The following RFX7 variants were observed in gnomAD, a reference collection of about 807,000 sequenced individuals.
The protein encoded by RFX7 is DNA-binding protein RFX7.
A neutral mutation model predicts 111.8 loss-of-function variants in RFX7; 26 were observed. That is an observed-to-expected ratio of 0.23 (90% confidence interval 0.17 to 0.32). The LOEUF (loss-of-function observed/expected upper bound fraction) is 0.32. Among genes scored for constraint, RFX7 ranks in the 10% least tolerant of loss-of-function variants. The pLI is 1.00. For missense variants in RFX7, 1,573 were observed against 1,772.9 expected, an observed-to-expected ratio of 0.89 and a Z score of 2.02; for synonymous variants, 624 against 624.4, an observed-to-expected ratio of 1.00 and a Z score of 0.01.
intron 4 of RFX7, among the ~76,000 whole-genome samples, chr15:56,143,944 C>G (rs1364363551): frequency 6.6e-6 from 1 of 152,116 alleles, no homozygotes; most frequent in Non-Finnish European, 1.5e-5. Context: ...AGTAATACCC[C>G]AAGCACTTAA....
intron 2 of RFX7, among the ~76,000 whole-genome samples, chr15:56,233,092 T>C (rs985864361): frequency 2.0e-5 from 3 of 152,212 alleles, no homozygotes; most frequent in Non-Finnish European, 4.4e-5. Context: ...ACCAATTTAC[T>C]GTATTAATCT....
At chr15:56,140,150 G>C (rs1275059556) in intron 5 of RFX7, among the ~76,000 whole-genome samples, 1 of 152,190 alleles carries the variant, frequency 6.6e-6, no homozygotes, top group African/African-American at 2.4e-5. Context: ...CCGCCCAGTT[G>C]GAGCTTCCTG....
At chr15:56,220,020 C>G (rs573795013) in intron 2 of RFX7, among the ~76,000 whole-genome samples, 2 of 152,126 alleles carry the variant, frequency 1.3e-5, no homozygotes, top group African/African-American at 4.8e-5. Flanking sequence ...GACAGCCTTA[C>G]CAGCATCTTT....
rs1372382745 is a variant in RFX7 at position 56,109,992 on chromosome 15, C to T, written c.402-6322G>A. Among the ~76,000 whole-genome samples, 28 of 143,118 alleles carry T rather than the reference C, an allele frequency of 2.0e-4. 1 individual carries two copies. Among genetic ancestry groups the T allele is most frequent in the African/African-American group, 7.0e-4 (27 of 38,672 alleles). The allele number at this position is 143,118 out of a possible 152,430, so 93.9% of individuals were successfully genotyped here. On this transcript the variant is annotated intron_variant, in intron 5 of 9. Coordinates refer to ENST00000559447, the MANE Select transcript of RFX7 (RefSeq NM_022841.7). ...GGGATCAGCCCCCTGCCCGGCCAGC[C>T]GCCCCGTCCGGGAGGCGAGGGGCGC...
chr15:56,137,434 T>G lies in RFX7; in HGVS notation c.401+5344A>C, dbSNP rs143532331. 4.2e-3 allele frequency among the ~76,000 whole-genome samples: 637 copies of G among 152,324 alleles called. 11 individuals carry two copies. Among genetic ancestry groups the G allele is most frequent in the African/African-American group, 0.015 (617 of 41,558 alleles). ...GTTTGTAGTATTCTCTGATGTTAGT[T>G]TGCATTTCTGTGGGATTGGTGGTGA... On this transcript the variant is annotated intron_variant, in intron 5 of 9. Coordinates refer to ENST00000559447, the MANE Select transcript of RFX7 (RefSeq NM_022841.7).
At chr15:56,245,058 C>CAGAAA (rs2043815573), upstream of RFX7, among the ~76,000 whole-genome samples, 1 of 152,110 alleles carries the variant, frequency 6.6e-6, no homozygotes, top group Non-Finnish European at 1.5e-5. Flanking sequence ...GAGTGTCTAT[C>CAGAAA]AGGTTTCTAC....
intron 5 of RFX7, among the ~76,000 whole-genome samples, chr15:56,119,025 TAAATC>T (rs1263117302): frequency 6.6e-6 from 1 of 152,256 alleles, no homozygotes; most frequent in Non-Finnish European, 1.5e-5. Flanking sequence ...TTGCCCATTT[TAAATC>T]AAATTATTAG....
chr15:56,096,760 C>CTAACA, intron 9 of RFX7, 140 bp from the exon 10 acceptor site: 1 of 835,900 alleles, frequency 1.2e-6, no homozygotes, highest in Non-Finnish European at 1.8e-6. Context: ...GAGAGTTCTT[C>CTAACA]TAGACCAGGT....
chr15:56,134,596 C>CTTTTTTTTTTTTTTACTTTT (rs2042265835), intron 5 of RFX7, among the ~76,000 whole-genome samples: 1 of 132,694 alleles, frequency 7.5e-6, no homozygotes, highest in Admixed American at 7.7e-5. Flanking sequence ...AAATCACTTT[C>CTTTTTTTTTTTTTTACTTTT]TTTTTTTTTT....
chr15:56,213,881 G>A (rs1023523663), intron 2 of RFX7, among the ~76,000 whole-genome samples: 2 of 152,092 alleles, frequency 1.3e-5, no homozygotes, highest in African/African-American at 4.8e-5. Context: ...TTTTATTCTA[G>A]TATTTTTTAA....
intron 4 of RFX7, 77 bp downstream of exon 4, chr15:56,144,324 A>G: frequency 1.5e-6 from 1 of 679,890 alleles, no homozygotes; most frequent in Non-Finnish European, 2.2e-6. Flanking sequence ...CTAACAACCA[A>G]AACATACAGA....
chr15:56,109,686 C>T (rs1410448155), intron 5 of RFX7, among the ~76,000 whole-genome samples: 3 of 151,826 alleles, frequency 2.0e-5, no homozygotes, highest in Non-Finnish European at 2.9e-5. Context: ...CGGGGAGCGC[C>T]TCTGCCCTGT....
At chr15:56,114,019 T>G (rs1391848842) in intron 5 of RFX7, among the ~76,000 whole-genome samples, 2 of 152,300 alleles carry the variant, frequency 1.3e-5, no homozygotes, top group African/African-American at 4.8e-5. Flanking sequence ...GGAAAAGTTG[T>G]TGTAATCCTC....
intron 2 of RFX7, among the ~76,000 whole-genome samples, chr15:56,200,994 A>C (rs1165812611): frequency 6.6e-6 from 1 of 152,148 alleles, no homozygotes; most frequent in South Asian, 2.1e-4. Flanking sequence ...AAATGATTAT[A>C]AAAAAGAAAA....
At chr15:56,143,611 C>G (rs1253913636) in intron 4 of RFX7, among the ~76,000 whole-genome samples, 3 of 152,068 alleles carry the variant, frequency 2.0e-5, no homozygotes, top group Non-Finnish European at 1.5e-5. Flanking sequence ...GGAAGCTACT[C>G]TACTGATTGT....
At chr15:56,224,590 G>A (rs554140248) in intron 2 of RFX7, among the ~76,000 whole-genome samples, 70 of 151,416 alleles carry the variant, frequency 4.6e-4, no homozygotes, top group African/African-American at 1.2e-3. Flanking sequence ...ACATGAAGTC[G>A]TTAAACATTT....
At chr15:56,214,017 C>T (rs1164012019) in intron 2 of RFX7, among the ~76,000 whole-genome samples, 2 of 152,100 alleles carry the variant, frequency 1.3e-5, no homozygotes, top group Non-Finnish European at 2.9e-5. Flanking sequence ...CCCATTGCTG[C>T]CATTATCTGA....
chr15:56,144,789 A>G (rs1166741856), intron 3 of RFX7, among the ~76,000 whole-genome samples: 1 of 152,178 alleles, frequency 6.6e-6, no homozygotes, highest in Non-Finnish European at 1.5e-5. Flanking sequence ...GGAGGGTTTT[A>G]CTTGTCCTAT....
intron 3 of RFX7, among the ~76,000 whole-genome samples, chr15:56,175,401 T>C (rs1257353907): frequency 6.6e-6 from 1 of 152,194 alleles, no homozygotes; most frequent in African/African-American, 2.4e-5. Context: ...AGTAGAACTT[T>C]TTTTAAAAAT....
Sources: gnomAD v4.1 joint callset for allele counts (sites outside exome capture counted in the v4.1 genomes callset) on GRCh38, gnomAD v4.1.1 for gene constraint, MANE v1.5 for transcripts, NCBI Gene and HGNC (gene_info 2026-07-23, HGNC 2026-07-21) for gene names.